ABCA5: variants seen among roughly 807,000 people sequenced by gnomAD.
ABCA5 encodes ATP binding cassette subfamily A member 5.
A neutral mutation model predicts 206.0 loss-of-function variants in ABCA5; 163 were observed. That is an observed-to-expected ratio of 0.79 (90% CI 0.70 to 0.90). ABCA5 has a LOEUF of 0.90. ABCA5 is among the 40% of genes least tolerant of loss of function. The pLI, the probability that ABCA5 is intolerant of heterozygous loss-of-function variation, is 0.00. For missense variants in ABCA5, 1,859 were observed against 1,912.9 expected (o/e 0.97, Z 0.53); for synonymous variants, 609 against 613.8 (o/e 0.99, Z 0.11).
intron 30 of ABCA5, 21 bp from the exon 31 acceptor site, chr17:69,255,655 A>G (rs1165990638): frequency 2.5e-6 from 4 of 1,574,392 alleles, no homozygotes; most frequent in Non-Finnish European, 3.4e-6. Flanking sequence ...TGAAAGAAAA[A>G]AAAATCATAA....
At chr17:69,297,422 T>C in intron 9 of ABCA5, 63 bp from the exon 10 acceptor site, 1 of 1,464,630 alleles carries the variant, frequency 6.8e-7, no homozygotes, top group East Asian at 2.3e-5. Context: ...AAAGACAGCA[T>C]TTCAAACATA....
intron 14 of ABCA5, 151 bp downstream of exon 14, chr17:69,289,026 T>C (rs2075494958): frequency 1.2e-6 from 1 of 813,718 alleles, no homozygotes; most frequent in Non-Finnish European, 1.7e-6. Context: ...ACTTCACTTT[T>C]AAAATCTCAT....
intron 21 of ABCA5, among the ~76,000 whole-genome samples, 160 bp downstream of exon 21, chr17:69,271,000 GAA>G (rs1282433108): frequency 6.6e-6 from 1 of 152,092 alleles, no homozygotes; most frequent in Non-Finnish European, 1.5e-5. Flanking sequence ...GGTCATCTGT[GAA>G]GTAATGAAAT....
intron 38 of ABCA5, 90 bp downstream of exon 38, chr17:69,248,172 A>C (rs1598142221): frequency 1.4e-6 from 1 of 729,992 alleles, no homozygotes; most frequent in African/African-American, 1.8e-5. Flanking sequence ...CTGGTTTACG[A>C]TATCTCTCCC....
intron 7 of ABCA5, among the ~76,000 whole-genome samples, chr17:69,303,395 G>A (rs1269110057): frequency 1.3e-5 from 2 of 152,106 alleles, no homozygotes; most frequent in East Asian, 3.9e-4. Context: ...GGGATTACGG[G>A]TGTGAGCCAC....
rs536009 is a variant in ABCA5 at position 69,277,741 on chromosome 17, C to G, written c.2494G>C (p.Ala832Pro). 2.2e-5 allele frequency: 36 copies of G among 1,607,838 alleles called. No individual in the cohort carries two copies. Among genetic ancestry groups the G allele is most frequent in the Non-Finnish European group, 2.8e-5 (33 of 1,178,304 alleles). The change falls in exon 19 of 39, where the codon GCT becomes CCT. Residue 832 changes from alanine (A) to proline (P), a missense_variant. Ala to Pro is a conservative substitution (Grantham distance 27). Coordinates refer to ENST00000392676, the MANE Select transcript of ABCA5 (RefSeq NM_172232.4). ...SLLILSETKA[A>P]LVSTMSLWKQ... ...CAAAGGCTCATGGTGCTCACTAGAG[C>G]AGCCTTGGTTTCAGAAAGAATAAGT...
chr17:69,273,570 C>T (rs1212179859), intron 20 of ABCA5, among the ~76,000 whole-genome samples: 1 of 151,584 alleles, frequency 6.6e-6, no homozygotes, highest in Non-Finnish European at 1.5e-5. Flanking sequence ...ATTCTCCTGC[C>T]TCAGCCTCCC....
intron 28 of ABCA5, among the ~76,000 whole-genome samples, 173 bp downstream of exon 28, chr17:69,259,521 CAGAAAGTAGATT>C (rs1250198254): frequency 2.6e-5 from 4 of 151,814 alleles, no homozygotes; most frequent in African/African-American, 9.7e-5. Context: ...CTGACAGAAA[CAGAAAGTAGATT>C]AGTGGTTACC....
chr17:69,289,229 C>T lies in ABCA5; in HGVS notation c.1850G>A (p.Gly617Asp). The change falls in exon 14 of 39, where the codon GGT becomes GAT. Residue 617 changes from glycine (G) to aspartate (D), a missense_variant. Transcript: ENST00000392676. ...TAATGACAGCTTTCTTTTTTGACCA[C>T]CACTTAATTTTTTAGCTTGGTTATC... ...IKDNQAKKLS[G>D]GQKRKLSLGI... The T allele has an allele frequency of 6.8e-6, 11 of 1,608,900 alleles. No individual in the cohort carries two copies. Among genetic ancestry groups the T allele is most frequent in the Non-Finnish European group, 9.3e-6 (11 of 1,177,770 alleles).
chr17:69,273,361 CTT>C (rs1455977721), intron 20 of ABCA5, among the ~76,000 whole-genome samples: 1 of 151,680 alleles, frequency 6.6e-6, no homozygotes, highest in South Asian at 2.1e-4. Context: ...TCATCATGGA[CTT>C]ATCAGCATAA....
chr17:69,259,383 A>G (rs1278867083), intron 28 of ABCA5, among the ~76,000 whole-genome samples: 1 of 152,032 alleles, frequency 6.6e-6, no homozygotes, highest in Non-Finnish European at 1.5e-5. Flanking sequence ...CCAACCAACT[A>G]TGGTAAAAAG....
At position 69,301,080 on chromosome 17, in the gene ABCA5, C is replaced by T. The variant is rs1272791247; in HGVS notation, c.1267+59G>A. ...AAAAAATCTTAAAATTAAGCTGACC[C>T]TATGTGGGCAAAAAAGCCTAAAAAT... On this transcript the variant is annotated intron_variant, in intron 9 of 38. Transcript: ENST00000392676. 4.9e-6 allele frequency: 7 copies of T among 1,431,562 alleles called. No individual in the cohort carries two copies. In the East Asian group the frequency reaches 1.3e-4, roughly 26 times the overall value. The allele number at this position is 1,431,562 out of a possible 1,614,324, so 88.7% of individuals were successfully genotyped here.
chr17:69,303,758 C>CT (rs1231854564), intron 7 of ABCA5, among the ~76,000 whole-genome samples: 3 of 4,326 alleles, frequency 6.9e-4, no homozygotes, highest in African/African-American at 9.8e-4. Context: ...GACCTCGACT[C>CT]TAAAAAAAAA....
intron 24 of ABCA5, among the ~76,000 whole-genome samples, chr17:69,264,529 T>G (rs1293343965): frequency 6.6e-6 from 1 of 152,170 alleles, no homozygotes; most frequent in Non-Finnish European, 1.5e-5. Context: ...TTTCAAGAAA[T>G]TATTTTAAAA....
chr17:69,282,176 A>T (rs901856705), intron 18 of ABCA5, among the ~76,000 whole-genome samples: 3 of 152,190 alleles, frequency 2.0e-5, no homozygotes, highest in African/African-American at 7.2e-5. Context: ...TATTCTTCAC[A>T]GCAATTGACA....
intron 1 of ABCA5, among the ~76,000 whole-genome samples, chr17:69,321,975 A>G (rs2145056092): frequency 6.6e-6 from 1 of 152,348 alleles, no homozygotes; most frequent in East Asian, 1.9e-4. Context: ...AAAGCCTACT[A>G]AAGCCCATCT....
Position 69,263,697 on chromosome 17 carries a change from C to CTTTTTTTTTTTTTT in ABCA5, c.3315+1024_3315+1037dup, listed in dbSNP as rs58369537. The stretch of plus-strand genomic sequence containing the variant: ...GGCTTTGTTCTTTTTACATGGATTC[C>CTTTTTTTTTTTTTT]TTTTTTTTTTTTTTTTTGATAAAAA... On this transcript the variant is annotated intron_variant, in intron 24 of 38. Transcript: ENST00000392676. 5.2e-3 allele frequency among the ~76,000 whole-genome samples: 543 copies of CTTTTTTTTTTTTTT among 103,562 alleles called. 46 individuals are homozygous for CTTTTTTTTTTTTTT. Among genetic ancestry groups the CTTTTTTTTTTTTTT allele is most frequent in the African/African-American group, 0.023 (514 of 22,606 alleles). The allele number at this position is 103,562 out of a possible 152,430, so 67.9% of individuals were successfully genotyped here.
chr17:69,313,156 A>G lies in ABCA5; in HGVS notation c.243T>C (p.Tyr81=), dbSNP rs1207077482. Residue 81 remains tyrosine, a synonymous_variant, in exon 3 of 39, where the codon TAT becomes TAC. Coordinates refer to ENST00000392676, the MANE Select transcript of ABCA5 (RefSeq NM_172232.4). ...TGCTTGTAATATTAGTCACTGGAGTATATCCAAGAATTAGATTAGAAAGAG... is the reference window on the plus strand; with the variant it reads ...TGCTTGTAATATTAGTCACTGGAGTGTATCCAAGAATTAGATTAGAAAGAG... ...KFTLSNLILG[Y]TPVTNITSSI... The G allele has an allele frequency of 6.2e-7, 1 of 1,611,470 alleles. No homozygotes were observed. Among genetic ancestry groups the G allele is most frequent in the Non-Finnish European group, 8.5e-7 (1 of 1,178,228 alleles).
At chr17:69,265,140 A>G (rs908327564) in intron 23 of ABCA5, among the ~76,000 whole-genome samples, 3 of 152,136 alleles carry the variant, frequency 2.0e-5, no homozygotes, top group Non-Finnish European at 2.9e-5. Flanking sequence ...AAGAATCAGA[A>G]TACAGTAGTG....
Sources: allele counts gnomAD v4.1 joint callset (sites outside exome capture counted in the v4.1 genomes callset), GRCh38; gene constraint gnomAD v4.1.1; transcripts MANE v1.5; gene names NCBI Gene and HGNC (gene_info 2026-07-23, HGNC 2026-07-21).